DNM1L: variants seen among roughly 807,000 people sequenced by gnomAD.
The protein encoded by DNM1L is dynamin 1L.
In DNM1L, 33 loss-of-function variants were observed where a neutral mutation model predicts 92.8. The observed-to-expected ratio is 0.36, with a 90% CI of 0.27 to 0.48. The LOEUF (loss-of-function observed/expected upper bound fraction) is 0.48. DNM1L is among the 20% of genes least tolerant of loss of function. The pLI, the probability that DNM1L is intolerant of heterozygous loss-of-function variation, is 0.99. For missense variants in DNM1L, 485 were observed against 888.8 expected (o/e 0.55, Z 5.78); for synonymous variants, 284 against 305.0 (o/e 0.93, Z 0.72).
intron 6 of DNM1L, 136 bp from the exon 7 acceptor site, chr12:32,718,507 C>T: frequency 9.4e-7 from 1 of 1,061,808 alleles, no homozygotes; most frequent in Non-Finnish European, 1.4e-6. Context: ...GTAAGTAAGG[C>T]ATTACCAAAA....
chr12:32,718,507 C>A, intron 6 of DNM1L, 136 bp from the exon 7 acceptor site: 3 of 1,061,806 alleles, frequency 2.8e-6, no homozygotes, highest in Non-Finnish European at 2.8e-6. Context: ...GTAAGTAAGG[C>A]ATTACCAAAA....
Position 32,740,489 on chromosome 12 carries a change from T to C in DNM1L, c.1965T>C (p.Phe655=). The C allele has an allele frequency of 6.2e-7, 1 of 1,613,878 alleles. No homozygotes were observed. Among genetic ancestry groups the C allele is most frequent in the African/African-American group, 1.3e-5 (1 of 75,060 alleles). ...EVIERLIKSY[F]LIVRKNIQDS... ...TTGAACGACTCATTAAATCATATTT[T>C]CTCATTGTCAGAAAGAATATTCAAG... Residue 655 remains phenylalanine (F), a synonymous_variant, in exon 18 of 20, where the codon TTT becomes TTC. Coordinates refer to ENST00000549701, the MANE Select transcript of DNM1L (RefSeq NM_012062.5).
chr12:32,721,370 G>A (rs141953891), intron 8 of DNM1L, among the ~76,000 whole-genome samples: 1 of 151,936 alleles, frequency 6.6e-6, no homozygotes, highest in African/African-American at 2.4e-5. Context: ...TCTTAATAAG[G>A]TTGATTTTCA....
chr12:32,731,737 C>T lies in DNM1L; in HGVS notation c.1357-117C>T. The T allele has an allele frequency of 4.0e-6, 4 of 994,588 alleles. No homozygotes were observed. Among genetic ancestry groups the T allele is most frequent in the Non-Finnish European group, 6.2e-6 (4 of 647,328 alleles). 61.6% of individuals were successfully genotyped at this position (994,588 alleles called of 1,614,324 possible). A position where few individuals can be genotyped will look rare whatever the true frequency, so the allele number is the denominator to read the frequency against. On this transcript the variant is annotated intron_variant, in intron 11 of 19. Coordinates refer to ENST00000549701, the MANE Select transcript of DNM1L (RefSeq NM_012062.5). The surrounding 1 kb of genome is among the most constrained non-coding windows in gnomAD (Gnocchi z 5.1). ...AATGACTGTTAGCCTGGCATGGTGG[C>T]TTCTACATGTAGTCTCAGCTACTTG...
At chr12:32,715,176 C>T (rs961693002) in intron 6 of DNM1L, among the ~76,000 whole-genome samples, 5 of 150,460 alleles carry the variant, frequency 3.3e-5, no homozygotes, top group Non-Finnish European at 7.4e-5. Context: ...TCACTGCAAA[C>T]TTGCAGTCCT....
At position 32,740,039 on chromosome 12, in the gene DNM1L, TATGTTTTGGAAC is replaced by T. The variant is rs1565544258; in HGVS notation, c.1708-17_1708-6del. ...TTAAGGTCAGATATGATGTGGTTGG[TATGTTTTGGAAC>T]ATGTTTTTTCAGGTTGCATCTGGAG... On this transcript the variant is annotated splice_polypyrimidine_tract_variant and intron_variant, in intron 16 of 19. Transcript: ENST00000549701. The T allele has an allele frequency of 6.8e-6, 11 of 1,614,148 alleles. No individual in the cohort carries two copies. Among genetic ancestry groups the T allele is most frequent in the Non-Finnish European group, 9.3e-6 (11 of 1,179,988 alleles).
chr12:32,717,539 A>G lies in DNM1L; in HGVS notation c.620-1104A>G, dbSNP rs1208077109. On this transcript the variant is annotated intron_variant, in intron 6 of 19. Coordinates refer to ENST00000549701, the MANE Select transcript of DNM1L (RefSeq NM_012062.5). The stretch of plus-strand genomic sequence containing the variant: ...GGAGTCCTGCTCTGCATAGTGTACA[A>G]TTTTACCTATGGCATTTTTCAGTTA... 5.0e-5 allele frequency among the ~76,000 whole-genome samples: 6 copies of G among 120,978 alleles called. No homozygotes were observed. The Admixed American group carries it at 6.9e-4, about 14-fold the overall frequency. The allele number at this position is 120,978 out of a possible 152,430, so 79.4% of individuals were successfully genotyped here. A position where few individuals can be genotyped will look rare whatever the true frequency, so the allele number is the denominator to read the frequency against.
At chr12:32,738,076 T>C (rs1955025065) in intron 15 of DNM1L, 134 bp downstream of exon 15, 4 of 1,100,274 alleles carry the variant, frequency 3.6e-6, no homozygotes, top group South Asian at 1.5e-5. Context: ...TAGTCTAATA[T>C]ATATTTTAAA....
At chr12:32,718,905 C>T (rs1370844221) in intron 7 of DNM1L, 142 bp downstream of exon 7, 3 of 1,213,096 alleles carry the variant, frequency 2.5e-6, no homozygotes, top group East Asian at 2.5e-5. Flanking sequence ...TTATTATGAT[C>T]TTGGTATTGC....
chr12:32,694,824 C>T (rs192484143), intron 1 of DNM1L, among the ~76,000 whole-genome samples: 8 of 152,182 alleles, frequency 5.3e-5, no homozygotes, highest in Admixed American at 1.3e-4. Flanking sequence ...TCTGATGGAG[C>T]GGAGAATTGT....
intron 6 of DNM1L, 115 bp from the exon 7 acceptor site, chr12:32,718,528 G>GT: frequency 1.6e-6 from 2 of 1,285,790 alleles, no homozygotes; most frequent in Admixed American, 1.7e-5. Context: ...TGATGACAGA[G>GT]GTAATACTAA....
chr12:32,687,470 TCTCA>T (rs1201611483), intron 1 of DNM1L, among the ~76,000 whole-genome samples: 2 of 152,086 alleles, frequency 1.3e-5, no homozygotes, highest in African/African-American at 4.8e-5. Flanking sequence ...TGAGACAGGG[TCTCA>T]CTCTGTCACC....
chr12:32,708,320 C>A, intron 4 of DNM1L, 96 bp downstream of exon 4: 2 of 803,978 alleles, frequency 2.5e-6, no homozygotes, highest in Non-Finnish European at 4.1e-6. Context: ...TAAATTCCTA[C>A]TCTTGATCTT....
intron 9 of DNM1L, chr12:32,728,231 T>C (rs1414697768): frequency 1.3e-5 from 2 of 152,250 alleles, no homozygotes; most frequent in African/African-American, 4.8e-5. Flanking sequence ...TGTGTGTGTG[T>C]GTATGTGTAG....
chr12:32,717,075 A>ATATATATATATTT (rs1033302627), intron 6 of DNM1L, among the ~76,000 whole-genome samples: 1 of 133,554 alleles, frequency 7.5e-6, no homozygotes, highest in Non-Finnish European at 1.5e-5. Flanking sequence ...ATACATAGGT[A>ATATATATATATTT]TATATATATA....
chr12:32,718,176 C>T (rs1051462261), intron 6 of DNM1L, among the ~76,000 whole-genome samples: 5 of 145,358 alleles, frequency 3.4e-5, no homozygotes, highest in Admixed American at 2.9e-4. Context: ...GAGTCCTGCT[C>T]TGTCACCCAG....
chr12:32,718,139 G>A (rs1188556613), intron 6 of DNM1L, among the ~76,000 whole-genome samples: 1 of 138,156 alleles, frequency 7.2e-6, no homozygotes, highest in Non-Finnish European at 1.5e-5. Flanking sequence ...TATTTTATAT[G>A]TATAGTATAT....
chr12:32,682,476 G>A (rs905812357), intron 1 of DNM1L, among the ~76,000 whole-genome samples: 2 of 152,168 alleles, frequency 1.3e-5, no homozygotes, highest in Admixed American at 6.6e-5. Flanking sequence ...TGTCTCCAGA[G>A]ATTTTGATTT....
chr12:32,708,177 C>A lies in DNM1L; in HGVS notation c.322C>A (p.Arg108=). 1.2e-6 allele frequency: 2 copies of A among 1,604,278 alleles called. No homozygotes were observed. The highest frequency in any genetic ancestry group is 2.2e-5 in the South Asian group (2 of 90,450). The change falls in exon 4 of 20, where the codon CGA becomes AGA. Residue 108 remains arginine (R), a synonymous_variant. Coordinates refer to ENST00000549701, the MANE Select transcript of DNM1L (RefSeq NM_012062.5). The part of the protein sequence containing the change: ...NKLYTDFDEI[R]QEIENETERI... ...GCTTTACACGGATTTTGATGAAATT[C>A]GACAAGAAATTGAAAATGAAACAGA... is the stretch of plus-strand genomic sequence containing the variant.
Sources: allele counts gnomAD v4.1 joint callset (sites outside exome capture counted in the v4.1 genomes callset), GRCh38; gene constraint gnomAD v4.1.1; non-coding constraint Gnocchi (gnomAD v3.1); transcripts MANE v1.5; gene names NCBI Gene and HGNC (gene_info 2026-07-23, HGNC 2026-07-21).